Variants in SYNPO2L observed in about 807,000 individuals in gnomAD.
The protein encoded by SYNPO2L is synaptopodin 2 like, also known as synaptopodin 2-like protein.
SYNPO2L carries 34 observed loss-of-function variants against 47.5 expected under a neutral mutation model. The observed-to-expected ratio is 0.72, with a 90% confidence interval of 0.54 to 0.95. The LOEUF (loss-of-function observed/expected upper bound fraction) is 0.95. Among genes scored for constraint, SYNPO2L ranks in the 40% least tolerant of loss-of-function variants. The probability of loss-of-function intolerance (pLI) is 0.00; values close to 1 mark genes in which losing one functional copy is unlikely to be tolerated. For missense variants in SYNPO2L, 1,246 were observed against 1,282.0 expected, an observed-to-expected ratio of 0.97 and a Z score of 0.43; for synonymous variants, 536 against 524.9, an observed-to-expected ratio of 1.02 and a Z score of -0.29.
In SYNPO2L at chr10:73,655,851, C is replaced by A. The variant is rs113166136; in HGVS notation, c.72G>T (p.Gly24=). 420 of 1,551,210 alleles carry A rather than the reference C, an allele frequency of 2.7e-4. 2 individuals are homozygous for A. The highest frequency in any genetic ancestry group is 1.8e-3 in the Middle Eastern group (11 of 5,988). ...CCTGTAACGGTTTCCTCTGCTCGGCCCCCCCATGAAGTCGGAAGCCCCAGG... is the reference window on the plus strand; with the variant it reads ...CCTGTAACGGTTTCCTCTGCTCGGCACCCCCATGAAGTCGGAAGCCCCAGG... The part of the protein sequence containing the change: ...GAPWGFRLHG[G]AEQRKPLQVS... The change falls in exon 1 of 4, where the codon GGG becomes GGT. Residue 24 remains glycine, a synonymous_variant. Transcript: ENST00000394810.
In SYNPO2L at chr10:73,645,998, G is replaced by A. The variant is rs910421514; in HGVS notation, c.*720C>T. Reference sequence around the variant, plus strand: ...CGCCACCACGCCCAGCTAATTTTTTGTATTTTTAGTGGAAATGGGGTTTCA... The same window carrying A: ...CGCCACCACGCCCAGCTAATTTTTTATATTTTTAGTGGAAATGGGGTTTCA... On this transcript the variant is annotated 3_prime_UTR_variant, in exon 4 of 4. Coordinates refer to ENST00000394810, the MANE Select transcript of SYNPO2L (RefSeq NM_001114133.3). 25 of 898,000 alleles carry A rather than the reference G, an allele frequency of 2.8e-5. No homozygotes were observed. Among genetic ancestry groups the A allele is most frequent in the Non-Finnish European group, 3.3e-5 (25 of 750,110 alleles). The allele number at this position is 898,000 out of a possible 1,614,324, so 55.6% of individuals were successfully genotyped here. A position where few individuals can be genotyped will look rare whatever the true frequency, so the allele number is the denominator to read the frequency against.
chr10:73,648,662 C>T lies in SYNPO2L; in HGVS notation c.990G>A (p.Thr330=), dbSNP rs751580062. ...CTTCTTCGTCCAGCTCGGACTCACT[C>T]GTGGGGGGAACGCCGTCCTCCTCCT... ...GAEEEDGVPP[T]SESELDEEAF... is the part of the protein sequence containing the mutation. Residue 330 remains threonine (T), a synonymous_variant, in exon 4 of 4, where the codon ACG becomes ACA. Transcript: ENST00000394810. 3.1e-6 allele frequency: 5 copies of T among 1,611,088 alleles called. No individual in the cohort carries two copies. The highest frequency in any genetic ancestry group is 2.2e-5 in the East Asian group (1 of 44,804).
chr10:73,655,792 GC>G (rs776525000), intron 1 of SYNPO2L, 25 bp downstream of exon 1: 1 of 1,482,360 alleles, frequency 6.7e-7, no homozygotes, highest in South Asian at 1.2e-5. Context: ...TTTCCCTGAA[GC>G]CTCATTTCAG....
chr10:73,649,843 A>T, intron 3 of SYNPO2L: 1 of 985,416 alleles, frequency 1.0e-6, no homozygotes, highest in South Asian at 4.7e-5. Context: ...AGATGCAGGA[A>T]AAGTTAGAGT....
chr10:73,647,874 C>G lies in SYNPO2L; in HGVS notation c.1778G>C (p.Arg593Pro). The G allele has an allele frequency of 1.3e-6, 2 of 1,533,708 alleles. No homozygotes were observed. Among genetic ancestry groups the G allele is most frequent in the Non-Finnish European group, 1.7e-6 (2 of 1,144,498 alleles). Residue 593 changes from arginine (R) to proline (P), a missense_variant, in exon 4 of 4, where the codon CGC (arginine) becomes CCC (proline). Arg to Pro is a moderately radical substitution (Grantham distance 103). Around this residue, in one of 3 missense-constraint regions of SYNPO2L, gnomAD observed 1,037 missense variants for 1,021.5 expected, o/e 1.02. Coordinates refer to ENST00000394810, the MANE Select transcript of SYNPO2L (RefSeq NM_001114133.3). Reference protein sequence around the residue: ...FLSAPLRPSARPEAPAPGPGA... With the variant: ...FLSAPLRPSAPPEAPAPGPGA... ...TGGGCCTGGGGCAGGCGCCTCTGGGCGCGCAGAGGGTCGCAAAGGCGCAGA... is the reference window on the plus strand; with the variant it reads ...TGGGCCTGGGGCAGGCGCCTCTGGGGGCGCAGAGGGTCGCAAAGGCGCAGA...
chr10:73,654,581 C>T (rs145958349), intron 1 of SYNPO2L, among the ~76,000 whole-genome samples: 8 of 152,248 alleles, frequency 5.3e-5, no homozygotes, highest in South Asian at 2.1e-4. Context: ...CAGTGGCTCA[C>T]GCCTGTAAGC....
Position 73,648,366 on chromosome 10 carries a change from G to C in SYNPO2L, c.1286C>G (p.Pro429Arg). The part of the protein sequence containing the change: ...LQSPPRAQSA[P>R]PEAAVLPPSP... ...GGGTGGGAGCACAGCTGCCTCTGGG[G>C]GAGCACTCTGGGCCCGAGGTGGTGA... Residue 429 changes from proline (P) to arginine (R), a missense_variant, in exon 4 of 4, where the codon CCC (proline) becomes CGC (arginine). Physicochemically the swap from Pro to Arg is moderately radical, Grantham distance 103. Around this residue, in one of 3 missense-constraint regions of SYNPO2L, gnomAD observed 1,037 missense variants for 1,021.5 expected, o/e 1.02. Coordinates refer to ENST00000394810, the MANE Select transcript of SYNPO2L (RefSeq NM_001114133.3). 1 of 1,606,174 alleles carries C rather than the reference G, an allele frequency of 6.2e-7. No homozygotes were observed. The highest frequency in any genetic ancestry group is 8.5e-7 in the Non-Finnish European group (1 of 1,179,260).
chr10:73,654,276 C>T lies in SYNPO2L; in HGVS notation c.110G>A (p.Arg37Gln), dbSNP rs912386032. The change falls in exon 2 of 4, where the codon CGA becomes CAA. Residue 37 changes from arginine to glutamine, a missense_variant. By Grantham distance (43) the Arg-to-Gln change is conservative (BLOSUM62 1). This residue lies in a region of SYNPO2L where 61 missense variants were observed against 55.6 expected (regional missense o/e 1.10). Coordinates refer to ENST00000394810, the MANE Select transcript of SYNPO2L (RefSeq NM_001114133.3). ...TGCTCTGCCAGCCTGGCTCCGTCTTCGAATCTGAGATGTTGAAGGAGACAC... is the reference window on the plus strand; with the variant it reads ...TGCTCTGCCAGCCTGGCTCCGTCTTTGAATCTGAGATGTTGAAGGAGACAC... ...QRKPLQVSKI[R>Q]RRSQAGRAGL... 9 of 1,551,210 alleles carry T rather than the reference C, an allele frequency of 5.8e-6. No homozygotes were observed. In the African/African-American group the frequency reaches 8.2e-5, roughly 14 times the overall value.
At position 73,648,640 on chromosome 10, in the gene SYNPO2L, C is replaced by T. The variant is rs1370864217; in HGVS notation, c.1012G>A (p.Glu338Lys). 6.2e-7 allele frequency: 1 copy of T among 1,613,718 alleles called. No homozygotes were observed. The highest frequency in any genetic ancestry group is 1.3e-5 in the African/African-American group (1 of 75,052). ...AGGCTGCGGGCGTCAGAGAAGGCTT[C>T]TTCGTCCAGCTCGGACTCACTCGTG... ...PPTSESELDEEAFSDARSLTN... is the reference protein window; with the variant it reads ...PPTSESELDEKAFSDARSLTN... Residue 338 changes from glutamate to lysine, a missense_variant, in exon 4 of 4, where the codon GAA becomes AAA. Glu to Lys is a moderately conservative substitution (Grantham distance 56). Around this residue, in one of 3 missense-constraint regions of SYNPO2L, gnomAD observed 1,037 missense variants for 1,021.5 expected, o/e 1.02. Transcript: ENST00000394810.
At chr10:73,648,985 ACCCGAC>A in intron 3 of SYNPO2L, 106 bp from the exon 4 acceptor site, 1 of 1,357,830 alleles carries the variant, frequency 7.4e-7, no homozygotes, top group Admixed American at 3.2e-5. Flanking sequence ...TCTTGCACTG[ACCCGAC>A]CCACAATGTC....
Position 73,646,698 on chromosome 10 carries a change from G to T in SYNPO2L, c.*20C>A. The T allele has an allele frequency of 6.9e-7, 1 of 1,458,634 alleles. No individual in the cohort carries two copies. The allele number at this position is 1,458,634 out of a possible 1,614,324, so 90.4% of individuals were successfully genotyped here. A position where few individuals can be genotyped will look rare whatever the true frequency, so the allele number is the denominator to read the frequency against. ...GAACTGGATGTTCCACCTCTCCTTG[G>T]TCCTGGGACCTGTGCCTGTTCACTG... On this transcript the variant is annotated 3_prime_UTR_variant, in exon 4 of 4. Transcript: ENST00000394810.
Position 73,646,383 on chromosome 10 carries a change from A to C in SYNPO2L, c.*335T>G, listed in dbSNP as rs3740293. ...CTCTGTTTACTTCTCACTGAACATT[A>C]AAATGAGGCCCAGGGAGAAAAGCAC... is the stretch of plus-strand genomic sequence containing the variant. On this transcript the variant is annotated 3_prime_UTR_variant, in exon 4 of 4. Transcript: ENST00000394810. The C allele has an allele frequency of 0.16, 163,273 of 1,034,624 alleles. 14,696 individuals carry two copies. The highest frequency in any genetic ancestry group is 0.38 in the African/African-American group (22,392 of 59,038). The allele number at this position is 1,034,624 out of a possible 1,614,324, so 64.1% of individuals were successfully genotyped here. A position where few individuals can be genotyped will look rare whatever the true frequency, so the allele number is the denominator to read the frequency against.
rs2081861768 is a variant in SYNPO2L at position 73,654,135 on chromosome 10, A to G, written c.251T>C (p.Val84Ala). The G allele has an allele frequency of 6.4e-7, 1 of 1,551,586 alleles. No individual in the cohort carries two copies. Among genetic ancestry groups the G allele is most frequent in the Admixed American group, 2.0e-5 (1 of 50,984 alleles). The change falls in exon 2 of 4, where the codon GTG becomes GCG. Residue 84 changes from valine (V) to alanine (A), a missense_variant. This residue lies in a region of SYNPO2L where 148 missense variants were observed against 204.8 expected (regional missense o/e 0.72). Transcript: ENST00000394810. Reference sequence around the variant, plus strand: ...AGAGGAGAGAGGTCCATACCGCTGCACAGTGAGGACAAGCTGATTTCCTGA... The same window carrying G: ...AGAGGAGAGAGGTCCATACCGCTGCGCAGTGAGGACAAGCTGATTTCCTGA... The part of the protein sequence containing the change: ...DASGNQLVLT[V>A]QRLADEGPVQ...
In SYNPO2L at chr10:73,646,630, A is replaced by T; in HGVS notation, c.*88T>A. On this transcript the variant is annotated 3_prime_UTR_variant, in exon 4 of 4. Coordinates refer to ENST00000394810, the MANE Select transcript of SYNPO2L (RefSeq NM_001114133.3). ...TGGCAGGAGGCAATTTAGCTTCCAG[A>T]TGCGTGACAGGGGATGGGATAGGGT... 7.4e-7 allele frequency: 1 copy of T among 1,349,520 alleles called. No individual in the cohort carries two copies. The highest frequency in any genetic ancestry group is 1.5e-5 in the African/African-American group (1 of 67,394). The allele number at this position is 1,349,520 out of a possible 1,614,324, so 83.6% of individuals were successfully genotyped here.
chr10:73,649,200 C>T (rs1213432060), intron 3 of SYNPO2L, among the ~76,000 whole-genome samples: 1 of 152,156 alleles, frequency 6.6e-6, no homozygotes, highest in African/African-American at 2.4e-5. Context: ...TCCTCACCTG[C>T]CTCCCATTCC....
chr10:73,655,722 AC>A (rs922011990), intron 1 of SYNPO2L, 95 bp downstream of exon 1: 7 of 18,592 alleles, frequency 3.8e-4, no homozygotes, highest in South Asian at 9.1e-4. Context: ...ACAGCCTCCC[AC>A]CCCCCCAACC....
rs1423439508 is a variant in SYNPO2L, at chr10:73,647,513, G to A, written c.2139C>T (p.Thr713=). 1 of 1,586,900 alleles carries A rather than the reference G, an allele frequency of 6.3e-7. No individual in the cohort carries two copies. The highest frequency in any genetic ancestry group is 2.2e-5 in the East Asian group (1 of 44,480). Residue 713 remains threonine, a synonymous_variant, in exon 4 of 4, where the codon ACC becomes ACT. Transcript: ENST00000394810. ...PKTPPPMAPK[T]PPPMTPKTPP... ...GAGTCTTAGGAGTCATAGGGGGCGG[G>A]GTCTTGGGAGCCATTGGAGGGGGGG...
rs766372958 is a variant in SYNPO2L at position 73,645,053 on chromosome 10, GA to G, written c.*1664del. On this transcript the variant is annotated 3_prime_UTR_variant, in exon 4 of 4. Coordinates refer to ENST00000394810, the MANE Select transcript of SYNPO2L (RefSeq NM_001114133.3). ...GGAGATCAGGACCTGAAGCTGAAAA[GA>G]AGCAATAGCTGGGGTTTTGAGGGAT... 3.9e-6 allele frequency: 5 copies of G among 1,266,212 alleles called. No individual in the cohort carries two copies. In the South Asian group the frequency reaches 6.7e-5, roughly 17 times the overall value. The allele number at this position is 1,266,212 out of a possible 1,614,324, so 78.4% of individuals were successfully genotyped here.
intron 3 of SYNPO2L, chr10:73,650,185 A>T: frequency 1.0e-6 from 1 of 985,406 alleles, no homozygotes. Context: ...TTGAGATTCC[A>T]TCTACTTTCC....
Sources: allele counts gnomAD v4.1 joint callset (sites outside exome capture counted in the v4.1 genomes callset), GRCh38; gene constraint gnomAD v4.1.1; regional missense constraint gnomAD v4.1.1; transcripts MANE v1.5; gene names NCBI Gene and HGNC (gene_info 2026-07-23, HGNC 2026-07-21).